The following COL8A1 variants were observed in gnomAD, a reference collection of about 807,000 sequenced individuals.
COL8A1 encodes the protein collagen alpha-1(VIII) chain.
COL8A1 carries 21 observed loss-of-function variants against 42.7 expected under a neutral mutation model. That is an observed-to-expected ratio of 0.49 (90% CI 0.35 to 0.71). The LOEUF (loss-of-function observed/expected upper bound fraction) is 0.71. COL8A1 is among the 30% of genes least tolerant of loss of function. COL8A1 has a pLI of 0.01. For synonymous variants in COL8A1, 367 were observed against 369.1 expected, an observed-to-expected ratio of 0.99 and a Z score of 0.06; for missense variants, 788 against 962.4, an observed-to-expected ratio of 0.82 and a Z score of 2.40.
intron 1 of COL8A1, among the ~76,000 whole-genome samples, chr3:99,640,786 G>A (rs544849359): frequency 6.6e-6 from 1 of 152,228 alleles, no homozygotes; most frequent in Non-Finnish European, 1.5e-5. Flanking sequence ...AATCAGTGTC[G>A]AAGTTTCATG....
chr3:99,784,747 G>A (rs1041948646), intron 2 of COL8A1, among the ~76,000 whole-genome samples: 2 of 152,092 alleles, frequency 1.3e-5, no homozygotes, highest in African/African-American at 4.8e-5. Context: ...TATAAATATG[G>A]TCCTTTGCTG....
chr3:99,783,591 C>G (rs1941836330), intron 2 of COL8A1, among the ~76,000 whole-genome samples: 1 of 152,164 alleles, frequency 6.6e-6, no homozygotes, highest in African/African-American at 2.4e-5. Context: ...CTACCTGAGA[C>G]TGGGTAATTT....
At chr3:99,727,204 GCTCT>G (rs1445197974) in intron 1 of COL8A1, among the ~76,000 whole-genome samples, 6 of 151,942 alleles carry the variant, frequency 3.9e-5, no homozygotes, top group African/African-American at 1.5e-4. Context: ...TCATGATTTG[GCTCT>G]CTGTTTGTCT....
intron 1 of COL8A1, among the ~76,000 whole-genome samples, chr3:99,651,647 T>C (rs1937851938): frequency 6.6e-6 from 1 of 152,248 alleles, no homozygotes; most frequent in South Asian, 2.1e-4. Context: ...AAACATTCTG[T>C]CTGCAGATTA....
chr3:99,681,310 C>T (rs1938874652), intron 1 of COL8A1, among the ~76,000 whole-genome samples: 1 of 152,122 alleles, frequency 6.6e-6, no homozygotes. Context: ...AATCAAACAA[C>T]CCCATCAAAA....
intron 2 of COL8A1, among the ~76,000 whole-genome samples, chr3:99,773,837 A>ATATTATATATATATATATATATT (rs1200212756): frequency 8.8e-5 from 4 of 45,400 alleles, no homozygotes; most frequent in African/African-American, 3.8e-4. Flanking sequence ...ATATATATAT[A>ATATTATATATATATATATATATT]TTTTTTTTTT....
chr3:99,735,998 T>C (rs1371514484), intron 1 of COL8A1, among the ~76,000 whole-genome samples: 2 of 151,376 alleles, frequency 1.3e-5, no homozygotes, highest in Non-Finnish European at 2.9e-5. Context: ...GGTGGTGATA[T>C]CCCCTTTATC....
intron 1 of COL8A1, among the ~76,000 whole-genome samples, chr3:99,734,654 A>G (rs1307495636): frequency 6.6e-6 from 1 of 151,930 alleles, no homozygotes; most frequent in Non-Finnish European, 1.5e-5. Flanking sequence ...GTTCCATATG[A>G]ACTTTAAAGT....
chr3:99,790,300 A>G (rs1043981857), intron 2 of COL8A1, among the ~76,000 whole-genome samples: 1 of 152,194 alleles, frequency 6.6e-6, no homozygotes, highest in African/African-American at 2.4e-5. Flanking sequence ...AGGTACACCC[A>G]TGACAACTAT....
intron 1 of COL8A1, among the ~76,000 whole-genome samples, chr3:99,683,196 A>G (rs1419477807): frequency 2.0e-5 from 3 of 152,198 alleles, no homozygotes; most frequent in South Asian, 4.1e-4. Context: ...AATTATTTTT[A>G]CATGCCTTTC....
chr3:99,644,491 T>C (rs1447860798), intron 1 of COL8A1, among the ~76,000 whole-genome samples: 2 of 152,220 alleles, frequency 1.3e-5, no homozygotes, highest in Non-Finnish European at 2.9e-5. Context: ...GTAAACAATT[T>C]ACCCTGAATA....
At chr3:99,649,188 G>A (rs1937756215) in intron 1 of COL8A1, among the ~76,000 whole-genome samples, 1 of 151,926 alleles carries the variant, frequency 6.6e-6, no homozygotes, top group Non-Finnish European at 1.5e-5. Context: ...GCTGCCTCGT[G>A]GATCTCCTTC....
chr3:99,743,919 T>A (rs1576460056), intron 1 of COL8A1, among the ~76,000 whole-genome samples: 1 of 152,022 alleles, frequency 6.6e-6, no homozygotes, highest in African/African-American at 2.4e-5. Context: ...GAACAGCAAA[T>A]GTAGATAATT....
chr3:99,767,940 T>G (rs1372886003), intron 2 of COL8A1, among the ~76,000 whole-genome samples: 2 of 152,176 alleles, frequency 1.3e-5, no homozygotes, highest in African/African-American at 4.8e-5. Context: ...TTGCCCATTC[T>G]CCTGTTGAAG....
At chr3:99,752,965 G>C (rs970962371) in intron 2 of COL8A1, among the ~76,000 whole-genome samples, 1 of 152,108 alleles carries the variant, frequency 6.6e-6, no homozygotes, top group Non-Finnish European at 1.5e-5. Flanking sequence ...CATGCCTACT[G>C]CTATGACTTG....
chr3:99,662,268 G>A (rs1938229207), intron 1 of COL8A1, among the ~76,000 whole-genome samples: 3 of 151,924 alleles, frequency 2.0e-5, no homozygotes, highest in African/African-American at 4.8e-5. Flanking sequence ...TATAATCCCA[G>A]CTACTGGGGA....
intron 1 of COL8A1, among the ~76,000 whole-genome samples, chr3:99,741,301 C>G (rs540924481): frequency 6.6e-6 from 1 of 152,018 alleles, no homozygotes; most frequent in South Asian, 2.1e-4. Flanking sequence ...TGTAAGAGCT[C>G]TTTATATTGG....
chr3:99,641,800 G>A (rs1444944834), intron 1 of COL8A1, among the ~76,000 whole-genome samples: 1 of 152,086 alleles, frequency 6.6e-6, no homozygotes, highest in Non-Finnish European at 1.5e-5. Context: ...AAACATACAT[G>A]TACATAAGTT....
chr3:99,748,116 G>A (rs548046764), intron 2 of COL8A1, among the ~76,000 whole-genome samples: 1 of 152,336 alleles, frequency 6.6e-6, no homozygotes, highest in South Asian at 2.1e-4. Context: ...CCATTATAAA[G>A]AGGAGGAATT....
Sources: allele counts gnomAD v4.1 joint callset (sites outside exome capture counted in the v4.1 genomes callset), GRCh38; gene constraint gnomAD v4.1.1; transcripts MANE v1.5; gene names NCBI Gene and HGNC (gene_info 2026-07-23, HGNC 2026-07-21).